Variants in SPATA22 observed in about 807,000 individuals in gnomAD.
SPATA22 encodes the protein spermatogenesis-associated protein 22.
SPATA22 carries 29 observed loss-of-function variants against 47.8 expected under a neutral mutation model. That is an observed-to-expected ratio of 0.61 (90% CI 0.45 to 0.83). The LOEUF (loss-of-function observed/expected upper bound fraction) is 0.83. SPATA22 is among the 40% of genes least tolerant of loss of function. The pLI is 0.00. For missense variants in SPATA22, 410 were observed against 421.7 expected (o/e 0.97, Z 0.24); for synonymous variants, 133 against 140.9 (o/e 0.94, Z 0.40).
At chr17:3,503,152 A>C (rs2074009884) in intron 1 of SPATA22, 1 of 152,108 alleles carries the variant, frequency 6.6e-6, no homozygotes, top group Non-Finnish European at 1.5e-5. Context: ...CCCCCAATGA[A>C]TCCATAATCA....
chr17:3,446,406 T>C (rs902259409), intron 7 of SPATA22, 66 bp downstream of exon 7: 2 of 1,477,076 alleles, frequency 1.4e-6, no homozygotes, highest in Non-Finnish European at 1.8e-6. Context: ...GAAAAAGGAC[T>C]AATCAGACAT....
intron 1 of SPATA22, 72 bp downstream of exon 1, chr17:3,471,610 C>G (rs1010703629): frequency 4.1e-5 from 40 of 985,372 alleles, no homozygotes; most frequent in Non-Finnish European, 4.8e-5. Context: ...GGCTCCAGTC[C>G]GAGTTGAGAC....
chr17:3,492,634 C>T (rs1289446590), intron 1 of SPATA22, among the ~76,000 whole-genome samples: 1 of 152,192 alleles, frequency 6.6e-6, no homozygotes, highest in Non-Finnish European at 1.5e-5. Context: ...TCTCTTCCTG[C>T]TCTTGGAAAC....
At chr17:3,486,841 G>A (rs2073731100) in intron 1 of SPATA22, among the ~76,000 whole-genome samples, 1 of 152,076 alleles carries the variant, frequency 6.6e-6, no homozygotes, top group African/African-American at 2.4e-5. Context: ...TGGCCCTATT[G>A]TCCAAACCAA....
At chr17:3,455,262 G>A (rs1467286787) in intron 5 of SPATA22, among the ~76,000 whole-genome samples, 1 of 152,012 alleles carries the variant, frequency 6.6e-6, no homozygotes, top group African/African-American at 2.4e-5. Context: ...TCACTCTGAT[G>A]GTAGTTTCTT....
At chr17:3,476,417 T>C (rs766958858), upstream of SPATA22, 18 of 1,600,254 alleles carry the variant, frequency 1.1e-5, 1 homozygote, top group South Asian at 1.5e-4. Flanking sequence ...CTTTGTATTG[T>C]ATATGTATGT....
Position 3,496,673 on chromosome 17 carries a change from C to T in SPATA22, c.-74+16739G>A, listed in dbSNP as rs151231247. Among the ~76,000 whole-genome samples the T allele has an allele frequency of 2.6e-5, 4 of 152,320 alleles. No individual in the cohort carries two copies. The East Asian group carries it at 5.8e-4, about 22-fold the overall frequency. On this transcript the variant is annotated intron_variant, in intron 1 of 8. Transcript: ENST00000541913. ...TACTAAGGGATGCTAACTGGAATCACGTAGGGGACCCCCTCCCAGTGCCTA... is the reference window on the plus strand; with the variant it reads ...TACTAAGGGATGCTAACTGGAATCATGTAGGGGACCCCCTCCCAGTGCCTA...
intron 8 of SPATA22, among the ~76,000 whole-genome samples, chr17:3,442,245 G>GTC (rs1232116328): frequency 6.6e-6 from 1 of 151,914 alleles, no homozygotes; most frequent in Non-Finnish European, 1.5e-5. Context: ...TCAACTATGT[G>GTC]TCATGCACTG....
intron 7 of SPATA22, among the ~76,000 whole-genome samples, chr17:3,445,056 T>A (rs1166054796): frequency 1.3e-5 from 2 of 152,114 alleles, no homozygotes; most frequent in African/African-American, 4.8e-5. Context: ...ATGAATGGAA[T>A]CAGCATGTCC....
At chr17:3,441,175 G>T (rs983669549) in intron 8 of SPATA22, 2 of 151,892 alleles carry the variant, frequency 1.3e-5, no homozygotes. Flanking sequence ...ATTGATAAAA[G>T]GATTATATGA....
At chr17:3,476,483 A>G, upstream of SPATA22, 1 of 1,177,536 alleles carries the variant, frequency 8.5e-7, no homozygotes, top group Non-Finnish European at 1.3e-6. Flanking sequence ...GTATATGCAG[A>G]TGATAATTCA....
chr17:3,485,706 A>G lies in SPATA22; in HGVS notation c.-73-16308T>C, dbSNP rs916511288. Among the ~76,000 whole-genome samples, 2 of 152,198 alleles carry G rather than the reference A, an allele frequency of 1.3e-5. No homozygotes were observed. The highest frequency in any genetic ancestry group is 6.5e-5 in the Admixed American group (1 of 15,280). Reference sequence around the variant, plus strand: ...CTTATCAAGACCTGTCAAAGATCTGAGAAATTTTACCCGACTTACAAGCTA... The same window carrying G: ...CTTATCAAGACCTGTCAAAGATCTGGGAAATTTTACCCGACTTACAAGCTA... On this transcript the variant is annotated intron_variant, in intron 1 of 8. Coordinates refer to the SPATA22 transcript ENST00000541913. The surrounding 1 kb of genome is among the most constrained non-coding windows in gnomAD (Gnocchi z 4.4).
intron 2 of SPATA22, chr17:3,468,818 C>G (rs1228183200): frequency 1.7e-6 from 1 of 593,138 alleles, no homozygotes; most frequent in Admixed American, 6.3e-5. Flanking sequence ...AGTTAATCCA[C>G]CATAAATAAT....
intron 3 of SPATA22, among the ~76,000 whole-genome samples, chr17:3,463,936 TCTC>T (rs2073198119): frequency 1.4e-5 from 1 of 72,784 alleles, no homozygotes; most frequent in African/African-American, 5.1e-5. Context: ...TCCCTCTCCC[TCTC>T]CCTCTCCCTC....
chr17:3,446,299 A>C (rs1385927698), intron 7 of SPATA22, among the ~76,000 whole-genome samples, 173 bp downstream of exon 7: 1 of 151,430 alleles, frequency 6.6e-6, no homozygotes, highest in African/African-American at 2.4e-5. Context: ...AGACATTTTT[A>C]GGGAGCATTA....
intron 1 of SPATA22, among the ~76,000 whole-genome samples, chr17:3,496,018 T>C (rs1457126887): frequency 6.6e-6 from 1 of 152,162 alleles, no homozygotes; most frequent in African/African-American, 2.4e-5. Context: ...AGGATACTCT[T>C]GAGGAGTACA....
chr17:3,481,636 G>A, intron 1 of SPATA22: 2 of 1,613,778 alleles, frequency 1.2e-6, no homozygotes, highest in Non-Finnish European at 1.7e-6. Context: ...CATATGAAGT[G>A]AGAAGGGCTC....
At chr17:3,463,991 T>C (rs2073204023) in intron 3 of SPATA22, among the ~76,000 whole-genome samples, 1 of 114,506 alleles carries the variant, frequency 8.7e-6, no homozygotes. Context: ...CCCCACGGTC[T>C]CCCTCTCCCT....
chr17:3,510,015 T>G (rs2074091898), intron 1 of SPATA22, among the ~76,000 whole-genome samples: 1 of 152,324 alleles, frequency 6.6e-6, no homozygotes, highest in Non-Finnish European at 1.5e-5. Flanking sequence ...ATGGGGTTGT[T>G]TTTTTCTTGT....
Sources: allele counts gnomAD v4.1 joint callset (sites outside exome capture counted in the v4.1 genomes callset), GRCh38; gene constraint gnomAD v4.1.1; non-coding constraint Gnocchi (gnomAD v3.1); transcripts MANE v1.5; gene names NCBI Gene and HGNC (gene_info 2026-07-23, HGNC 2026-07-21).